Variants in SDK2 observed in about 807,000 individuals in gnomAD.
The protein encoded by SDK2 is sidekick cell adhesion molecule 2, also known as protein sidekick-2.
Under a neutral mutation model 253.9 loss-of-function variants are expected in SDK2, and 105 were observed. That is an observed-to-expected ratio of 0.41 (90% CI 0.35 to 0.49). The LOEUF (loss-of-function observed/expected upper bound fraction) is 0.49, where lower values mean the gene tolerates loss of function less well. Among genes scored for constraint, SDK2 ranks in the 20% least tolerant of loss-of-function variants. The probability of loss-of-function intolerance (pLI) is 0.06; values close to 1 mark genes in which losing one functional copy is unlikely to be tolerated. For missense variants in SDK2, 2,608 were observed against 3,003.0 expected (o/e 0.87, Z 3.07); for synonymous variants, 1,249 against 1,234.9 (o/e 1.01, Z -0.24).
intron 37 of SDK2, 145 bp downstream of exon 37, chr17:73,368,262 C>G: frequency 1.4e-6 from 1 of 705,108 alleles, no homozygotes; most frequent in Non-Finnish European, 2.1e-6. Flanking sequence ...GAGGGTGTCT[C>G]TGGGGACCTG....
At position 73,440,844 on chromosome 17, in the gene SDK2, T is replaced by C. The variant is rs1368339094; in HGVS notation, c.693A>G (p.Ser231=). The C allele has an allele frequency of 6.4e-7, 1 of 1,551,652 alleles. No individual in the cohort carries two copies. The highest frequency in any genetic ancestry group is 8.7e-7 in the Non-Finnish European group (1 of 1,146,942). The change falls in exon 6 of 45, where the codon TCA becomes TCG. Residue 231 remains serine, a synonymous_variant. Coordinates refer to ENST00000392650, the MANE Select transcript of SDK2 (RefSeq NM_001144952.2). ...TGGCCACACACTCCAAGGTAACCTC[T>C]GAGGTGCCGGCCACCACGCTGGTGT... The part of the protein sequence containing the change: ...PKNTSVVAGT[S]EVTLECVANA...
chr17:73,439,448 C>T (rs770607571), intron 6 of SDK2, among the ~76,000 whole-genome samples: 2 of 152,102 alleles, frequency 1.3e-5, no homozygotes, highest in Non-Finnish European at 2.9e-5. Context: ...AGGCTGGACA[C>T]GGTGGCTCAC....
At chr17:73,482,152 G>C (rs2063729452) in intron 2 of SDK2, among the ~76,000 whole-genome samples, 1 of 152,038 alleles carries the variant, frequency 6.6e-6, no homozygotes, top group African/African-American at 2.4e-5. Flanking sequence ...GCGTGTGCCT[G>C]TAATCCTGGC....
Position 73,643,831 on chromosome 17 carries a change from C to T in SDK2, c.64+194G>A, listed in dbSNP as rs1007611074. The stretch of plus-strand genomic sequence containing the variant: ...TCCCCCATTCGGAAGCCACAAGTCT[C>T]GGAGAGACTGCCCCACCCCCAAAAG... On this transcript the variant is annotated intron_variant, in intron 1 of 44. Coordinates refer to ENST00000392650, the MANE Select transcript of SDK2 (RefSeq NM_001144952.2). The surrounding 1 kb of genome is among the most constrained non-coding windows in gnomAD (Gnocchi z 6.9). Among the ~76,000 whole-genome samples the T allele has an allele frequency of 6.6e-6, 1 of 152,104 alleles. No homozygotes were observed. The highest frequency in any genetic ancestry group is 2.4e-5 in the African/African-American group (1 of 41,438).
chr17:73,502,820 T>C (rs1014805976), intron 2 of SDK2, among the ~76,000 whole-genome samples: 5 of 152,214 alleles, frequency 3.3e-5, no homozygotes, highest in African/African-American at 1.2e-4. Flanking sequence ...GTTATCCCTC[T>C]ATAGTCCACT....
Position 73,338,882 on chromosome 17 carries a change from T to C in SDK2, c.6224A>G (p.Asn2075Ser). The change falls in exon 45 of 45, where the codon AAC (asparagine) becomes AGC (serine). Residue 2075 changes from asparagine to serine, a missense_variant. Around this residue, in one of 2 missense-constraint regions of SDK2, gnomAD observed 1,103 missense variants for 1,143.9 expected, o/e 0.96. Transcript: ENST00000392650. This position sits in a 1 kb window ranked among gnomAD's most constrained non-coding sequence, Gnocchi z 5.0. ...GTATGTGGGGTCACTGATGTAGTGG[T>C]TGACAAAGGAGTGGGCCTTCTGGTG... is the stretch of plus-strand genomic sequence containing the variant. ...SNHQKAHSFVNHYISDPTYYN... is the reference protein window; with the variant it reads ...SNHQKAHSFVSHYISDPTYYN... 6.2e-7 allele frequency: 1 copy of C among 1,613,976 alleles called. No homozygotes were observed. Among genetic ancestry groups the C allele is most frequent in the Non-Finnish European group, 8.5e-7 (1 of 1,179,902 alleles).
At chr17:73,525,303 C>T (rs189649170) in intron 1 of SDK2, among the ~76,000 whole-genome samples, 3 of 152,276 alleles carry the variant, frequency 2.0e-5, no homozygotes, top group South Asian at 2.1e-4. Flanking sequence ...GATCTTTGCT[C>T]ACTCTAGCCA....
chr17:73,358,280 A>G (rs1459218333), intron 39 of SDK2, 76 bp from the exon 40 acceptor site: 7 of 1,529,004 alleles, frequency 4.6e-6, no homozygotes, highest in Non-Finnish European at 6.1e-6. Flanking sequence ...GGGCTCGAGG[A>G]GGAACACTGG....
intron 2 of SDK2, among the ~76,000 whole-genome samples, chr17:73,497,043 C>T (rs1303680134): frequency 6.6e-6 from 1 of 152,154 alleles, no homozygotes; most frequent in African/African-American, 2.4e-5. Context: ...CTTACAGGCA[C>T]GAGCCACCAC....
intron 1 of SDK2, among the ~76,000 whole-genome samples, chr17:73,578,621 G>A (rs1187020326): frequency 6.6e-6 from 1 of 152,132 alleles, no homozygotes; most frequent in African/African-American, 2.4e-5. Context: ...GCCTGGGTTG[G>A]GGGCTCCTAC....
intron 12 of SDK2, among the ~76,000 whole-genome samples, chr17:73,428,047 C>A (rs1269308895): frequency 6.6e-6 from 1 of 152,182 alleles, no homozygotes; most frequent in East Asian, 1.9e-4. Context: ...ACAGATGCCT[C>A]ACCAAAGAAG....
chr17:73,377,809 A>C (rs2062796244), intron 36 of SDK2, among the ~76,000 whole-genome samples: 1 of 151,258 alleles, frequency 6.6e-6, no homozygotes, highest in South Asian at 2.1e-4. Context: ...ATGGGGTTTC[A>C]CCATGTTGGT....
intron 40 of SDK2, among the ~76,000 whole-genome samples, chr17:73,353,700 A>ATTTTTT (rs11370066): frequency 8.2e-5 from 8 of 97,210 alleles, no homozygotes; most frequent in Admixed American, 1.3e-4. Flanking sequence ...TGCCTGGCCA[A>ATTTTTT]TTTTTTTTTT....
At chr17:73,397,410 A>G (rs2062979785) in intron 24 of SDK2, among the ~76,000 whole-genome samples, 1 of 152,190 alleles carries the variant, frequency 6.6e-6, no homozygotes, top group South Asian at 2.1e-4. Context: ...CCTGCTGTTC[A>G]TGAAAGCACG....
intron 1 of SDK2, among the ~76,000 whole-genome samples, chr17:73,563,441 G>A (rs1441214435): frequency 1.3e-5 from 2 of 152,086 alleles, no homozygotes; most frequent in Admixed American, 6.5e-5. Flanking sequence ...AGCTGGGTGC[G>A]GTGGCACACG....
At chr17:73,602,927 A>T (rs1338258485) in intron 1 of SDK2, among the ~76,000 whole-genome samples, 1 of 152,050 alleles carries the variant, frequency 6.6e-6, no homozygotes, top group Non-Finnish European at 1.5e-5. Flanking sequence ...GTTTTACCAT[A>T]TTGATCAGGC....
intron 2 of SDK2, among the ~76,000 whole-genome samples, chr17:73,505,826 C>T (rs1181480301): frequency 6.6e-6 from 1 of 152,036 alleles, no homozygotes. Flanking sequence ...ATCATCATCA[C>T]CACCAATAGC....
At chr17:73,393,881 T>C in intron 26 of SDK2, 132 bp from the exon 27 acceptor site, 4 of 682,252 alleles carry the variant, frequency 5.9e-6, no homozygotes, top group Non-Finnish European at 6.8e-6. Flanking sequence ...GGCTGGACCA[T>C]GTGGCTAGGC....
In SDK2 at chr17:73,637,208, C is replaced by A. The variant is rs184349817; in HGVS notation, c.64+6817G>T. ...CCCTCTGTATGAAATGCAGAGACCA[C>A]AATGTCTTCTCTGTGGTTATGAAGG... On this transcript the variant is annotated intron_variant, in intron 1 of 44. Transcript: ENST00000392650. 2.0e-5 allele frequency among the ~76,000 whole-genome samples: 3 copies of A among 152,260 alleles called. No homozygotes were observed. In the East Asian group the frequency reaches 5.8e-4, roughly 29 times the overall value.
Sources: gnomAD v4.1 joint callset for allele counts (sites outside exome capture counted in the v4.1 genomes callset) on GRCh38, gnomAD v4.1.1 for gene constraint, gnomAD v4.1.1 regional missense constraint, Gnocchi (gnomAD v3.1) non-coding constraint, MANE v1.5 for transcripts, NCBI Gene and HGNC (gene_info 2026-07-23, HGNC 2026-07-21) for gene names.